Variants in RFX2 observed in about 807,000 individuals in gnomAD.
The protein encoded by RFX2 is DNA-binding protein RFX2.
A neutral mutation model predicts 87.8 loss-of-function variants in RFX2; 20 were observed. The ratio of observed to expected loss-of-function variants is 0.23; its 90% CI spans 0.16 to 0.33. RFX2 has a LOEUF of 0.33. RFX2 is among the 10% of genes least tolerant of loss of function. RFX2 has a pLI of 1.00. For missense variants in RFX2, 767 were observed against 1,012.3 expected, an observed-to-expected ratio of 0.76 and a Z score of 3.29; for synonymous variants, 397 against 431.3, an observed-to-expected ratio of 0.92 and a Z score of 0.98.
Position 5,994,031 on chromosome 19 carries a change from C to T in RFX2, c.*804G>A, listed in dbSNP as rs1485197010. The T allele has an allele frequency of 1.3e-5, 2 of 152,260 alleles. No homozygotes were observed. Among genetic ancestry groups the T allele is most frequent in the Non-Finnish European group, 2.9e-5 (2 of 68,058 alleles). 9.4% of individuals were successfully genotyped at this position (152,260 alleles called of 1,614,324 possible). A position where few individuals can be genotyped will look rare whatever the true frequency, so the allele number is the denominator to read the frequency against. ...AACTTGGACAGAGTCCCACATCCTTCCTGCTGCTGATAAAACTTCTGGTTT... is the reference window on the plus strand; with the variant it reads ...AACTTGGACAGAGTCCCACATCCTTTCTGCTGCTGATAAAACTTCTGGTTT... On this transcript the variant is annotated 3_prime_UTR_variant, in exon 18 of 18. Coordinates refer to ENST00000303657, the MANE Select transcript of RFX2 (RefSeq NM_000635.4).
At position 6,106,306 on chromosome 19, in the gene RFX2, T is replaced by C. The variant is rs186380598; in HGVS notation, c.-9+4087A>G. On this transcript the variant is annotated intron_variant, in intron 1 of 17. Coordinates refer to ENST00000303657, the MANE Select transcript of RFX2 (RefSeq NM_000635.4). ...CCTTTCACTACACCAGGCATATGTC[T>C]ACATGAGAGAACATGAGAACATGAC... 3.9e-3 allele frequency among the ~76,000 whole-genome samples: 593 copies of C among 152,256 alleles called. 6 individuals carry two copies. Among genetic ancestry groups the C allele is most frequent in the Non-Finnish European group, 5.8e-3 (393 of 68,018 alleles).
chr19:6,008,295 G>C (rs759696487), intron 9 of RFX2, 71 bp from the exon 10 acceptor site: 1 of 850,170 alleles, frequency 1.2e-6, no homozygotes, highest in Non-Finnish European at 1.8e-6. Context: ...GGAAGGCCAC[G>C]GTGGATGGGG....
chr19:6,029,135 G>A (rs1297578927), intron 5 of RFX2, among the ~76,000 whole-genome samples: 1 of 149,598 alleles, frequency 6.7e-6, no homozygotes, highest in Non-Finnish European at 1.5e-5. Flanking sequence ...TGAAACAAAC[G>A]ATCAACAACA....
chr19:6,060,196 CTA>C (rs1277297736), intron 1 of RFX2, among the ~76,000 whole-genome samples: 1 of 152,224 alleles, frequency 6.6e-6, no homozygotes, highest in African/African-American at 2.4e-5. Flanking sequence ...CCTCCCCCCA[CTA>C]TCTCACATCC....
Position 6,045,880 on chromosome 19 carries a change from T to C in RFX2, c.90+1527A>G, listed in dbSNP as rs925677198. Among the ~76,000 whole-genome samples the C allele has an allele frequency of 2.6e-5, 4 of 151,926 alleles. No homozygotes were observed. The highest frequency in any genetic ancestry group is 9.7e-5 in the African/African-American group (4 of 41,348). On this transcript the variant is annotated intron_variant, in intron 2 of 17. Coordinates refer to ENST00000303657, the MANE Select transcript of RFX2 (RefSeq NM_000635.4). The surrounding 1 kb of genome is among the most constrained non-coding windows in gnomAD (Gnocchi z 5.2). ...TTTTTTGTATTTAGTAGACACAGGG[T>C]TTCACCATGTTACTCAGACTGGTCT...
intron 1 of RFX2, among the ~76,000 whole-genome samples, chr19:6,097,442 C>T (rs1349435915): frequency 6.6e-6 from 1 of 152,144 alleles, no homozygotes; most frequent in Non-Finnish European, 1.5e-5. Context: ...AGGACTGAGA[C>T]ATGCATTAAG....
Position 6,012,970 on chromosome 19 carries a change from T to C in RFX2, c.899+16A>G. On this transcript the variant is annotated intron_variant, in intron 8 of 17. Transcript: ENST00000303657. This position sits in a 1 kb window ranked among gnomAD's most constrained non-coding sequence, Gnocchi z 4.6. ...CAGGGGAGAGCCAGCTCCTCCCAGCTCGGCCCGGCACCCACCTGGGCTTCT... is the reference window on the plus strand; with the variant it reads ...CAGGGGAGAGCCAGCTCCTCCCAGCCCGGCCCGGCACCCACCTGGGCTTCT... 1 of 1,506,838 alleles carries C rather than the reference T, an allele frequency of 6.6e-7. No homozygotes were observed. The highest frequency in any genetic ancestry group is 8.9e-7 in the Non-Finnish European group (1 of 1,126,882). 93.3% of individuals were successfully genotyped at this position (1,506,838 alleles called of 1,614,324 possible).
chr19:6,097,261 G>C (rs2088043672), intron 1 of RFX2, among the ~76,000 whole-genome samples: 1 of 152,194 alleles, frequency 6.6e-6, no homozygotes, highest in Admixed American at 6.5e-5. Context: ...TCTGGCAAGA[G>C]CAGGGTGCCC....
chr19:6,048,900 G>A (rs1398137598), intron 1 of RFX2, among the ~76,000 whole-genome samples: 2 of 44,596 alleles, frequency 4.5e-5, no homozygotes. Context: ...CCTCCCAAAC[G>A]CCTTCGATGC....
intron 5 of RFX2, among the ~76,000 whole-genome samples, chr19:6,032,985 C>T (rs1018369686): frequency 1.9e-4 from 29 of 152,224 alleles, no homozygotes; most frequent in African/African-American, 6.3e-4. Context: ...GATGGGGTTT[C>T]GCAATGTTGC....
chr19:5,999,177 AC>A lies in RFX2; in HGVS notation c.1860-1965del, dbSNP rs538766215. On this transcript the variant is annotated intron_variant, in intron 15 of 17. Coordinates refer to ENST00000303657, the MANE Select transcript of RFX2 (RefSeq NM_000635.4). The surrounding 1 kb of genome is among the most constrained non-coding windows in gnomAD (Gnocchi z 4.1). ...AGGCTGAGGCACGAGAAGTGCTTGA[AC>A]CCGGGAAGGGGAGGTTGCAGTGAGC... 9.9e-4 allele frequency among the ~76,000 whole-genome samples: 151 copies of A among 152,234 alleles called. No homozygotes were observed. Among genetic ancestry groups the A allele is most frequent in the Middle Eastern group, 6.8e-3 (2 of 294 alleles).
chr19:6,004,340 T>C lies in RFX2; in HGVS notation c.1403-42A>G. On this transcript the variant is annotated intron_variant, in intron 12 of 17. Transcript: ENST00000303657. The surrounding 1 kb of genome is among the most constrained non-coding windows in gnomAD (Gnocchi z 4.8). ...ATGATATTACCAGGGAGAAAGGCAG[T>C]GACTGGACCCTGGAAATCAGCATTC... 1.3e-6 allele frequency: 2 copies of C among 1,497,428 alleles called. No homozygotes were observed. Among genetic ancestry groups the C allele is most frequent in the Non-Finnish European group, 1.9e-6 (2 of 1,073,878 alleles). The allele number at this position is 1,497,428 out of a possible 1,614,324, so 92.8% of individuals were successfully genotyped here.
chr19:6,003,647 C>G (rs561282602), intron 13 of RFX2, among the ~76,000 whole-genome samples: 1 of 151,764 alleles, frequency 6.6e-6, no homozygotes, highest in Non-Finnish European at 1.5e-5. Context: ...GGTGTGGTGG[C>G]GGGCACCTGT....
rs554227974 is a variant in RFX2 at position 6,002,079 on chromosome 19, C to A, written c.1651-56G>T. 45 of 1,454,010 alleles carry A rather than the reference C, an allele frequency of 3.1e-5. 1 individual carries two copies. Among genetic ancestry groups the A allele is most frequent in the Non-Finnish European group, 3.9e-5 (42 of 1,076,226 alleles). The allele number at this position is 1,454,010 out of a possible 1,614,324, so 90.1% of individuals were successfully genotyped here. A position where few individuals can be genotyped will look rare whatever the true frequency, so the allele number is the denominator to read the frequency against. On this transcript the variant is annotated intron_variant, in intron 14 of 17. Coordinates refer to ENST00000303657, the MANE Select transcript of RFX2 (RefSeq NM_000635.4). This position sits in a 1 kb window ranked among gnomAD's most constrained non-coding sequence, Gnocchi z 6.7. The stretch of plus-strand genomic sequence containing the variant: ...ATGTGGACCCCCAGCCACGGCAGCC[C>A]TCCCTGGACCTAGCCATGCTCAGGG...
At position 5,999,217 on chromosome 19, in the gene RFX2, T is replaced by C. The variant is rs894068759; in HGVS notation, c.1860-2004A>G. ...GTTGCAGTGAGCCGAGATCGCACCA[T>C]TGCACTCCAGCCTGGTGACAGAGCG... On this transcript the variant is annotated intron_variant, in intron 15 of 17. Transcript: ENST00000303657. This position sits in a 1 kb window ranked among gnomAD's most constrained non-coding sequence, Gnocchi z 4.1. Among the ~76,000 whole-genome samples, 2 of 152,044 alleles carry C rather than the reference T, an allele frequency of 1.3e-5. No individual in the cohort carries two copies. Among genetic ancestry groups the C allele is most frequent in the African/African-American group, 4.8e-5 (2 of 41,386 alleles).
chr19:6,051,910 C>A lies in RFX2; in HGVS notation c.-8-4406G>T, dbSNP rs547530115. Among the ~76,000 whole-genome samples the A allele has an allele frequency of 3.9e-5, 6 of 152,244 alleles. 1 individual carries two copies. In the South Asian group the frequency reaches 1.2e-3, roughly 32 times the overall value. On this transcript the variant is annotated intron_variant, in intron 1 of 17. Transcript: ENST00000303657. ...TTTATTTTTTTGAGATGGAGTCTCGCTCTGTTGCCCAGGCTGGAGTGCAGT... is the reference window on the plus strand; with the variant it reads ...TTTATTTTTTTGAGATGGAGTCTCGATCTGTTGCCCAGGCTGGAGTGCAGT...
intron 6 of RFX2, among the ~76,000 whole-genome samples, chr19:6,018,269 C>T (rs1184765753): frequency 6.6e-6 from 1 of 152,190 alleles, no homozygotes; most frequent in Admixed American, 6.5e-5. Flanking sequence ...CGCGCCCGGC[C>T]TTCATCTCCT....
Position 6,101,395 on chromosome 19 carries a change from A to C in RFX2, c.-9+8998T>G, listed in dbSNP as rs1478860258. Among the ~76,000 whole-genome samples the C allele has an allele frequency of 6.6e-6, 1 of 151,930 alleles. No individual in the cohort carries two copies. Among genetic ancestry groups the C allele is most frequent in the African/African-American group, 2.4e-5 (1 of 41,366 alleles). ...GAGGTGGGAAAAAGGCCTTCGTGTT[A>C]TTTTCTTTGGGTTTCCACTGGCCTG... On this transcript the variant is annotated intron_variant, in intron 1 of 17. Transcript: ENST00000303657. The surrounding 1 kb of genome is among the most constrained non-coding windows in gnomAD (Gnocchi z 4.9).
intron 2 of RFX2, among the ~76,000 whole-genome samples, chr19:6,046,605 CTTTTTTTTTT>C (rs55854937): frequency 0.018 from 1,653 of 90,592 alleles, 30 homozygotes; most frequent in African/African-American, 0.062. Flanking sequence ...GCCTTTTTGC[CTTTTTTTTTT>C]TTTTTTTTTT....
Sources: gnomAD v4.1 joint callset for allele counts (sites outside exome capture counted in the v4.1 genomes callset) on GRCh38, gnomAD v4.1.1 for gene constraint, Gnocchi (gnomAD v3.1) non-coding constraint, MANE v1.5 for transcripts, NCBI Gene and HGNC (gene_info 2026-07-23, HGNC 2026-07-21) for gene names.